The following ACVR1 variants were observed in gnomAD, a reference collection of about 807,000 sequenced individuals.
The protein encoded by ACVR1 is activin receptor type-1.
Under a neutral mutation model 57.1 loss-of-function variants are expected in ACVR1, and 38 were observed. The ratio of observed to expected loss-of-function variants is 0.67; its 90% CI spans 0.51 to 0.87. ACVR1 has a LOEUF of 0.87. Ranked by LOEUF, ACVR1 falls within the 40% of genes least tolerant of loss-of-function variation. The pLI, the probability that ACVR1 is intolerant of heterozygous loss-of-function variation, is 0.00. For missense variants in ACVR1, 463 were observed against 638.2 expected, an observed-to-expected ratio of 0.73 and a Z score of 2.96; for synonymous variants, 212 against 228.1, an observed-to-expected ratio of 0.93 and a Z score of 0.63.
At chr2:157,809,832 T>C (rs1687688681) in intron 2 of ACVR1, among the ~76,000 whole-genome samples, 2 of 152,120 alleles carry the variant, frequency 1.3e-5, no homozygotes, top group East Asian at 1.9e-4. Context: ...CCCAGCACTT[T>C]GGGAGGCTGA....
At chr2:157,863,733 TA>T (rs1689817279) in intron 1 of ACVR1, among the ~76,000 whole-genome samples, 2 of 151,920 alleles carry the variant, frequency 1.3e-5, no homozygotes, top group Non-Finnish European at 2.9e-5. Context: ...AAAGATTTAG[TA>T]AGTGATTTTC....
At chr2:157,798,608 A>C (rs983651661) in intron 3 of ACVR1, among the ~76,000 whole-genome samples, 1 of 151,146 alleles carries the variant, frequency 6.6e-6, no homozygotes, top group Non-Finnish European at 1.5e-5. Flanking sequence ...GCTCACTGCA[A>C]CCTCCGCCTC....
chr2:157,867,627 T>G (rs1032383515), intron 1 of ACVR1, among the ~76,000 whole-genome samples: 1 of 151,986 alleles, frequency 6.6e-6, no homozygotes, highest in Non-Finnish European at 1.5e-5. Context: ...AGCTGGACAT[T>G]TCGATTTTTT....
In ACVR1 at chr2:157,801,105, T is replaced by C. The variant is rs985974953; in HGVS notation, c.-7-1605A>G. ...CAAGCAAGGGTCATTCATTGAGCTA[T>C]GGAATGAAATTATTAAACTGTTTTT... On this transcript the variant is annotated intron_variant, in intron 2 of 10. Coordinates refer to ENST00000434821, the MANE Select transcript of ACVR1 (RefSeq NM_001111067.4). Among the ~76,000 whole-genome samples, 9 of 152,212 alleles carry C rather than the reference T, an allele frequency of 5.9e-5. 1 individual carries two copies. In the East Asian group the frequency reaches 1.2e-3, roughly 20 times the overall value.
chr2:157,754,142 G>A (rs1685324459), intron 9 of ACVR1, among the ~76,000 whole-genome samples: 1 of 152,154 alleles, frequency 6.6e-6, no homozygotes, highest in Admixed American at 6.5e-5. Flanking sequence ...GCCTTAAAAT[G>A]CATACATCAA....
chr2:157,761,390 C>T (rs1321507286), intron 8 of ACVR1, among the ~76,000 whole-genome samples: 1 of 152,188 alleles, frequency 6.6e-6, no homozygotes, highest in East Asian at 1.9e-4. Context: ...CACAGGAAAA[C>T]AGGCTCACAT....
intron 1 of ACVR1, among the ~76,000 whole-genome samples, chr2:157,868,273 A>C (rs1690007319): frequency 6.6e-6 from 1 of 151,982 alleles, no homozygotes; most frequent in South Asian, 2.1e-4. Flanking sequence ...TCACGAGGTC[A>C]GGACTTCAAG....
chr2:157,868,117 C>T lies in ACVR1; in HGVS notation c.-183+7679G>A, dbSNP rs377714240. On this transcript the variant is annotated intron_variant, in intron 1 of 10. Transcript: ENST00000434821. ...TTAACTGTGAATGTGCTGTTCCTTTCGGTTGTCTAAGGTCTCGCATGCCAC... is the reference window on the plus strand; with the variant it reads ...TTAACTGTGAATGTGCTGTTCCTTTTGGTTGTCTAAGGTCTCGCATGCCAC... Among the ~76,000 whole-genome samples, 52 of 152,226 alleles carry T rather than the reference C, an allele frequency of 3.4e-4. No individual in the cohort carries two copies. In the South Asian group the frequency reaches 4.8e-3, roughly 14 times the overall value.
chr2:157,825,396 C>T (rs1688308299), intron 1 of ACVR1, among the ~76,000 whole-genome samples: 1 of 152,138 alleles, frequency 6.6e-6, no homozygotes, highest in Non-Finnish European at 1.5e-5. Flanking sequence ...TTCATGACAA[C>T]TCATCAGGCC....
intron 3 of ACVR1, among the ~76,000 whole-genome samples, chr2:157,795,263 T>A (rs1180458741): frequency 1.3e-5 from 2 of 152,180 alleles, no homozygotes; most frequent in Non-Finnish European, 2.9e-5. Context: ...TATTAGTACT[T>A]AACATTTGCT....
intron 1 of ACVR1, among the ~76,000 whole-genome samples, chr2:157,856,256 C>T (rs16842175): frequency 0.051 from 7,834 of 152,220 alleles, 219 homozygotes; most frequent in Non-Finnish European, 0.056. Flanking sequence ...TCCTCATATC[C>T]GTGCGGTCTG....
At chr2:157,851,358 T>C (rs564064693) in intron 1 of ACVR1, among the ~76,000 whole-genome samples, 5 of 152,084 alleles carry the variant, frequency 3.3e-5, no homozygotes, top group African/African-American at 9.6e-5. Context: ...AGCTGCATAA[T>C]ACAAGCATGG....
rs541898729 is a variant in ACVR1, at chr2:157,858,381, T to C, written c.-183+17415A>G. Among the ~76,000 whole-genome samples, 3 of 152,276 alleles carry C rather than the reference T, an allele frequency of 2.0e-5. No homozygotes were observed. The East Asian group carries it at 5.8e-4, about 29-fold the overall frequency. The stretch of plus-strand genomic sequence containing the variant: ...AGGAAATTCTGATCCCCACTTGAAC[T>C]TTACCGCCTCCTGTACCAGGAAGCA... On this transcript the variant is annotated intron_variant, in intron 1 of 10. Coordinates refer to ENST00000434821, the MANE Select transcript of ACVR1 (RefSeq NM_001111067.4).
Position 157,780,473 on chromosome 2 carries a change from G to C in ACVR1, c.195C>G (p.Val65=). The change falls in exon 4 of 11, where the codon GTC becomes GTG. Residue 65 remains valine (V), a synonymous_variant. Coordinates refer to ENST00000434821, the MANE Select transcript of ACVR1 (RefSeq NM_001111067.4). ...AAACCTGGAAGCAGCCTTTCTGGTAGACGTGGAAGCCATCGTTGATGCTCA... is the reference window on the plus strand; with the variant it reads ...AAACCTGGAAGCAGCCTTTCTGGTACACGTGGAAGCCATCGTTGATGCTCA... ...SSLSINDGFH[V]YQKGCFQVYE... The C allele has an allele frequency of 6.2e-7, 1 of 1,614,148 alleles. No individual in the cohort carries two copies. Among genetic ancestry groups the C allele is most frequent in the Non-Finnish European group, 8.5e-7 (1 of 1,180,022 alleles).
At chr2:157,782,124 A>G (rs1686545870) in intron 3 of ACVR1, among the ~76,000 whole-genome samples, 1 of 152,030 alleles carries the variant, frequency 6.6e-6, no homozygotes, top group African/African-American at 2.4e-5. Context: ...GTGTGTAGAG[A>G]TGTGGGTTAT....
At position 157,816,382 on chromosome 2, in the gene ACVR1, A is replaced by G. The variant is rs190921446; in HGVS notation, c.-8+2003T>C. On this transcript the variant is annotated intron_variant, in intron 2 of 10. Coordinates refer to ENST00000434821, the MANE Select transcript of ACVR1 (RefSeq NM_001111067.4). ...AAGGAATACTTGAGGCCAGCAGTTC[A>G]ACACCAGCCTGGGCAACATAGTGAG... Among the ~76,000 whole-genome samples, 23 of 151,976 alleles carry G rather than the reference A, an allele frequency of 1.5e-4. No individual in the cohort carries two copies. The East Asian group carries it at 4.3e-3, about 28-fold the overall frequency.
At chr2:157,835,492 TTTCC>T (rs1369915759) in intron 1 of ACVR1, among the ~76,000 whole-genome samples, 1 of 152,232 alleles carries the variant, frequency 6.6e-6, no homozygotes, top group Non-Finnish European at 1.5e-5. Flanking sequence ...TACTCATTTC[TTTCC>T]TTAACACTTT....
intron 5 of ACVR1, among the ~76,000 whole-genome samples, chr2:157,775,396 G>T (rs534433295): frequency 2.0e-5 from 3 of 152,300 alleles, no homozygotes; most frequent in African/African-American, 7.2e-5. Context: ...ATATTGTGCC[G>T]ATGGGTGATA....
At chr2:157,848,275 G>A (rs922078876) in intron 1 of ACVR1, among the ~76,000 whole-genome samples, 3 of 152,168 alleles carry the variant, frequency 2.0e-5, no homozygotes, top group Non-Finnish European at 4.4e-5. Flanking sequence ...TCCAGAACCA[G>A]ATCTTAAGAA....
Sources: gnomAD v4.1 joint callset for allele counts (sites outside exome capture counted in the v4.1 genomes callset) on GRCh38, gnomAD v4.1.1 for gene constraint, MANE v1.5 for transcripts, NCBI Gene and HGNC (gene_info 2026-07-23, HGNC 2026-07-21) for gene names.